Variants in RP2 observed in about 807,000 individuals in gnomAD.
RP2 encodes the protein RP2 activator of ARL3 GTPase, also known as protein XRP2.
A neutral mutation model predicts 20.3 loss-of-function variants in RP2; 3 were observed. That is an observed-to-expected ratio of 0.15 (90% confidence interval 0.07 to 0.38). The LOEUF is 0.38. Ranked by LOEUF, RP2 falls within the 10% of genes least tolerant of loss-of-function variation. RP2 has a pLI of 1.00. For missense variants in RP2, 233 were observed against 268.5 expected (o/e 0.87, Z 0.92); for synonymous variants, 75 against 94.8 (o/e 0.79, Z 1.22).
chrX:46,862,683 C>A lies in RP2; in HGVS notation c.883+2581C>A, dbSNP rs190039984. 8.5e-3 allele frequency among the ~76,000 whole-genome samples: 946 copies of A among 111,087 alleles called. 2 individuals carry two copies. The highest frequency in any genetic ancestry group is 0.014 in the Non-Finnish European group (723 of 52,925). On this transcript the variant is annotated intron_variant, in intron 3 of 4. Transcript: ENST00000218340. ...TCAAAAAAACAAACAAACAAACAAA[C>A]AAAAAAACCCAACAGGATATTTATA...
chrX:46,851,074 C>T (rs1268046948), intron 1 of RP2, among the ~76,000 whole-genome samples: 2 of 111,397 alleles, frequency 1.8e-5, no homozygotes, highest in African/African-American at 6.6e-5. Context: ...ATCTATTGTG[C>T]AATTACTAAG....
chrX:46,879,011 G>A (rs1029318133), intron 4 of RP2, among the ~76,000 whole-genome samples: 2 of 92,054 alleles, frequency 2.2e-5, no homozygotes, highest in African/African-American at 8.0e-5. Context: ...GACTGCTTGA[G>A]CCCAGGAGTT....
At chrX:46,852,256 AAGGG>A (rs1195642967) in intron 1 of RP2, among the ~76,000 whole-genome samples, 183 of 110,171 alleles carry the variant, frequency 1.7e-3, no homozygotes, top group African/African-American at 5.7e-3. Context: ...GGAAGAGAGG[AAGGG>A]AGGGAGGGAG....
intron 2 of RP2, among the ~76,000 whole-genome samples, chrX:46,859,389 T>TGCCTGG (rs1925024552): frequency 9.3e-6 from 1 of 107,965 alleles, no homozygotes; most frequent in Admixed American, 1.0e-4. Flanking sequence ...CCTGGGAGGC[T>TGCCTGG]GAGGTGGGAG....
intron 1 of RP2, among the ~76,000 whole-genome samples, chrX:46,847,572 A>G (rs1266878890): frequency 5.7e-5 from 6 of 106,137 alleles, no homozygotes; most frequent in African/African-American, 1.7e-4. Flanking sequence ...ATGTGTGTAT[A>G]TATATACATA....
chrX:46,878,325 C>G (rs1315615647), intron 4 of RP2, among the ~76,000 whole-genome samples: 1 of 103,312 alleles, frequency 9.7e-6, no homozygotes, highest in African/African-American at 3.6e-5. Context: ...TGCAGTGAGC[C>G]GAGATCCCGC....
At chrX:46,870,029 A>T (rs1925261985) in intron 3 of RP2, among the ~76,000 whole-genome samples, 1 of 112,472 alleles carries the variant, frequency 8.9e-6, no homozygotes, top group Admixed American at 9.4e-5. Context: ...AAGCTTATCT[A>T]ACACATTTTC....
chrX:46,868,623 A>G (rs1385452759), intron 3 of RP2, among the ~76,000 whole-genome samples: 2 of 107,104 alleles, frequency 1.9e-5, no homozygotes, highest in East Asian at 5.9e-4. Context: ...GGTCTCTACT[A>G]AAAATACAAA....
intron 3 of RP2, among the ~76,000 whole-genome samples, chrX:46,869,899 G>A (rs954672675): frequency 9.9e-5 from 11 of 111,211 alleles, no homozygotes; most frequent in Admixed American, 1.9e-4. Flanking sequence ...GTGAGCCACC[G>A]CGCCTGGTGC....
chrX:46,855,654 A>G (rs1424994699), intron 2 of RP2, among the ~76,000 whole-genome samples: 1 of 110,033 alleles, frequency 9.1e-6, no homozygotes, highest in African/African-American at 3.3e-5. Context: ...TTTAGTAGAG[A>G]CAGGGTTTTG....
chrX:46,850,762 C>G (rs1473614699), intron 1 of RP2, among the ~76,000 whole-genome samples: 1 of 111,861 alleles, frequency 8.9e-6, no homozygotes, highest in Non-Finnish European at 1.9e-5. Context: ...TCTCTGTCCC[C>G]TCCAAAATAT....
At chrX:46,851,620 G>A (rs1354134535) in intron 1 of RP2, among the ~76,000 whole-genome samples, 1 of 105,361 alleles carries the variant, frequency 9.5e-6, no homozygotes, top group African/African-American at 3.5e-5. Context: ...TGGGTGACAA[G>A]AGTGAAACTC....
At chrX:46,862,807 G>A (rs1471517151) in intron 3 of RP2, among the ~76,000 whole-genome samples, 2 of 112,385 alleles carry the variant, frequency 1.8e-5, no homozygotes, top group African/African-American at 6.5e-5. Context: ...ACAGCCTAAC[G>A]TGTTATTTGT....
intron 1 of RP2, among the ~76,000 whole-genome samples, chrX:46,842,467 ACTATT>A (rs1924638807): frequency 8.9e-6 from 1 of 112,122 alleles, no homozygotes; most frequent in African/African-American, 3.2e-5. Flanking sequence ...AATGCATACT[ACTATT>A]ATTATATATC....
chrX:46,837,417 C>A (rs1330295187), intron 1 of RP2, among the ~76,000 whole-genome samples: 2 of 111,615 alleles, frequency 1.8e-5, no homozygotes, highest in East Asian at 2.8e-4. Context: ...CCGGAAGGAG[C>A]CTTAGGAGTT....
rs1925442425 is a variant in RP2, at chrX:46,879,878, T to G, written c.*109T>G. 2.3e-6 allele frequency: 1 copy of G among 441,463 alleles called. No homozygotes were observed. The highest frequency in any genetic ancestry group is 5.1e-5 in the South Asian group (1 of 19,776). 36.4% of individuals were successfully genotyped at this position (441,463 alleles called of 1,213,427 possible). A position where few individuals can be genotyped will look rare whatever the true frequency, so the allele number is the denominator to read the frequency against. On this transcript the variant is annotated 3_prime_UTR_variant, in exon 5 of 5. Coordinates refer to ENST00000218340, the MANE Select transcript of RP2 (RefSeq NM_006915.3). ...CAATGGTTTTTACTAATGCTAAAAC[T>G]TTTAAAGTTTATTTTTTAATAAATT...
rs369822545 is a variant in RP2, at chrX:46,864,290, G to A, written c.883+4188G>A. Among the ~76,000 whole-genome samples the A allele has an allele frequency of 1.2e-3, 135 of 111,102 alleles. 2 individuals are homozygous for A. The South Asian group carries it at 0.05, about 41-fold the overall frequency. On this transcript the variant is annotated intron_variant, in intron 3 of 4. Transcript: ENST00000218340. ...TGCACTCGAGCTTGGGCAGCAGAGC[G>A]AGACCTTGTCTCAAATACATAAATA... is the stretch of plus-strand genomic sequence containing the variant.
intron 1 of RP2, among the ~76,000 whole-genome samples, chrX:46,841,450 A>G (rs1379808404): frequency 8.9e-6 from 1 of 112,285 alleles, no homozygotes; most frequent in African/African-American, 3.2e-5. Context: ...TCAATGTGGC[A>G]TCAACCGTGA....
At chrX:46,859,317 A>T (rs1171597533) in intron 2 of RP2, among the ~76,000 whole-genome samples, 1 of 109,505 alleles carries the variant, frequency 9.1e-6, no homozygotes, top group East Asian at 2.8e-4. Context: ...ACCTGTTTCT[A>T]CAAAAAAAAT....
Sources: gnomAD v4.1 joint callset for allele counts (sites outside exome capture counted in the v4.1 genomes callset) on GRCh38, gnomAD v4.1.1 for gene constraint, MANE v1.5 for transcripts, NCBI Gene and HGNC (gene_info 2026-07-23, HGNC 2026-07-21) for gene names.